The following NBAS variants were observed in gnomAD, a reference collection of about 807,000 sequenced individuals.
The protein encoded by NBAS is NBAS subunit of NRZ tethering complex.
NBAS carries 219 observed loss-of-function variants against 302.5 expected under a neutral mutation model. The observed-to-expected ratio is 0.72, with a 90% CI of 0.65 to 0.81. The LOEUF (loss-of-function observed/expected upper bound fraction) is 0.81, where lower values mean the gene tolerates loss of function less well. Ranked by LOEUF, NBAS falls within the 30% of genes least tolerant of loss-of-function variation. The probability of loss-of-function intolerance (pLI) is 0.00; values close to 1 mark genes in which losing one functional copy is unlikely to be tolerated. For missense variants in NBAS, 2,932 were observed against 2,841.6 expected, an observed-to-expected ratio of 1.03 and a Z score of -0.72; for synonymous variants, 1,118 against 1,021.6, an observed-to-expected ratio of 1.09 and a Z score of -1.80.
In NBAS at chr2:15,272,979, T is replaced by A. The variant is rs182004604; in HGVS notation, c.5724+2505A>T. The stretch of plus-strand genomic sequence containing the variant: ...AGCTAAAACGCAAATGGACTTTACA[T>A]CCTACTCTTATACTTAATCATAAAT... On this transcript the variant is annotated intron_variant, in intron 44 of 51. Coordinates refer to ENST00000281513, the MANE Select transcript of NBAS (RefSeq NM_015909.4). Among the ~76,000 whole-genome samples, 135 of 152,332 alleles carry A rather than the reference T, an allele frequency of 8.9e-4. 2 individuals carry two copies. Among genetic ancestry groups the A allele is most frequent in the Admixed American group, 7.5e-3 (115 of 15,304 alleles).
the NBAS span, among the ~76,000 whole-genome samples, chr2:14,973,713 G>A: frequency 5.3e-5 from 8 of 152,160 alleles, no homozygotes; most frequent in African/African-American, 1.4e-4. Context: ...TGTTGTTAAA[G>A]TTTACTGTGT....
chr2:14,790,667 T>C, the NBAS span, among the ~76,000 whole-genome samples: 2 of 151,238 alleles, frequency 1.3e-5, no homozygotes, highest in South Asian at 2.1e-4. Context: ...TTTTTTTTTT[T>C]TGAGACAGAG....
At chr2:15,447,981 C>A (rs528643467) in intron 21 of NBAS, among the ~76,000 whole-genome samples, 3 of 152,288 alleles carry the variant, frequency 2.0e-5, no homozygotes, top group Non-Finnish European at 4.4e-5. Flanking sequence ...AAGGCTGTGT[C>A]CTCACATGGT....
At chr2:14,805,404 A>G in the NBAS span, among the ~76,000 whole-genome samples, 1 of 152,224 alleles carries the variant, frequency 6.6e-6, no homozygotes, top group Non-Finnish European at 1.5e-5. Context: ...GCGAGGCATT[A>G]TACACCAGGA....
the NBAS span, among the ~76,000 whole-genome samples, chr2:14,872,300 C>T: frequency 0.02 from 3,086 of 152,170 alleles, 110 homozygotes; most frequent in African/African-American, 0.07. Context: ...ATTGATAGAA[C>T]AGACAAAAAA....
chr2:15,353,052 ACT>A (rs1381843549), intron 34 of NBAS, among the ~76,000 whole-genome samples: 1 of 151,492 alleles, frequency 6.6e-6, no homozygotes, highest in Non-Finnish European at 1.5e-5. Flanking sequence ...TGAATTCTAG[ACT>A]CTCCTCATAC....
At chr2:14,787,248 A>G in the NBAS span, among the ~76,000 whole-genome samples, 1 of 152,172 alleles carries the variant, frequency 6.6e-6, no homozygotes, top group Non-Finnish European at 1.5e-5. Context: ...TGAATACAGC[A>G]CACTGATGGG....
intron 19 of NBAS, among the ~76,000 whole-genome samples, chr2:15,465,238 A>T (rs922147866): frequency 6.6e-6 from 1 of 152,234 alleles, no homozygotes; most frequent in Non-Finnish European, 1.5e-5. Flanking sequence ...CTCTAACTGT[A>T]TGGAGACTCC....
At position 15,338,398 on chromosome 2, in the gene NBAS, G is replaced by A. The variant is rs1348533727; in HGVS notation, c.4180-7633C>T. ...CCCTTACTTATAGCAAATTTCATCT[G>A]AACTCAAAATACTAAGCATGCAATC... On this transcript the variant is annotated intron_variant, in intron 35 of 51. Coordinates refer to ENST00000281513, the MANE Select transcript of NBAS (RefSeq NM_015909.4). Among the ~76,000 whole-genome samples the A allele has an allele frequency of 1.3e-5, 2 of 152,186 alleles. 1 individual carries two copies. The highest frequency in any genetic ancestry group is 1.3e-4 in the Admixed American group (2 of 15,280).
the NBAS span, among the ~76,000 whole-genome samples, chr2:14,801,939 T>G: frequency 6.9e-6 from 1 of 145,686 alleles, no homozygotes; most frequent in African/African-American, 2.6e-5. Flanking sequence ...GTCAGATGAG[T>G]AGGTTGCGAA....
At chr2:15,387,444 A>T (rs370936672) in intron 28 of NBAS, among the ~76,000 whole-genome samples, 6 of 152,206 alleles carry the variant, frequency 3.9e-5, no homozygotes, top group African/African-American at 1.2e-4. Context: ...TTCTAATTTC[A>T]TTAGATGTTC....
chr2:14,848,831 G>A, the NBAS span, among the ~76,000 whole-genome samples: 2,193 of 151,090 alleles, frequency 0.015, 45 homozygotes, highest in African/African-American at 0.051. Flanking sequence ...CACCTCACAC[G>A]GCAGGGTATT....
chr2:15,355,995 A>T (rs1673598349), intron 33 of NBAS, among the ~76,000 whole-genome samples: 1 of 152,222 alleles, frequency 6.6e-6, no homozygotes, highest in Admixed American at 6.5e-5. Flanking sequence ...ATTTTCTCTT[A>T]GATAACAAAT....
chr2:15,509,037 A>G (rs1321761112), intron 10 of NBAS, among the ~76,000 whole-genome samples: 2 of 152,222 alleles, frequency 1.3e-5, no homozygotes, highest in Non-Finnish European at 2.9e-5. Flanking sequence ...AACATCTTGC[A>G]TATAAAACTA....
At chr2:15,067,220 G>A in the NBAS span, among the ~76,000 whole-genome samples, 2 of 149,252 alleles carry the variant, frequency 1.3e-5, no homozygotes, top group Non-Finnish European at 3.0e-5. Context: ...TGGTGCACCC[G>A]TTTAGTCTCA....
At chr2:14,957,309 G>GTGTGTGTA in the NBAS span, among the ~76,000 whole-genome samples, 7 of 144,630 alleles carry the variant, frequency 4.8e-5, no homozygotes, top group African/African-American at 1.8e-4. Flanking sequence ...GTGTGTGTGT[G>GTGTGTGTA]TAAAGTCCTG....
intron 21 of NBAS, among the ~76,000 whole-genome samples, chr2:15,449,294 C>T (rs1466998508): frequency 6.6e-6 from 1 of 152,130 alleles, no homozygotes; most frequent in African/African-American, 2.4e-5. Context: ...CACAATCTTG[C>T]CCTAAAAGCA....
the NBAS span, among the ~76,000 whole-genome samples, chr2:14,943,076 C>T: frequency 6.6e-6 from 1 of 152,210 alleles, no homozygotes; most frequent in Admixed American, 6.5e-5. Flanking sequence ...CAGCATGAGG[C>T]TATTAGCATA....
chr2:15,429,498 T>C (rs779270849), intron 21 of NBAS, among the ~76,000 whole-genome samples: 18 of 152,166 alleles, frequency 1.2e-4, no homozygotes, highest in Non-Finnish European at 1.8e-4. Flanking sequence ...GGTGAAGAGA[T>C]TGGTCTTCAT....
Sources: gnomAD v4.1 joint callset for allele counts (sites outside exome capture counted in the v4.1 genomes callset) on GRCh38, gnomAD v4.1.1 for gene constraint, MANE v1.5 for transcripts, NCBI Gene and HGNC (gene_info 2026-07-23, HGNC 2026-07-21) for gene names.